Variants in TMOD2 observed in about 807,000 individuals in gnomAD.
TMOD2 encodes tropomodulin 2, also known as tropomodulin-2.
TMOD2 carries 22 observed loss-of-function variants against 39.9 expected under a neutral mutation model. That is an observed-to-expected ratio of 0.55 (90% CI 0.39 to 0.79). The LOEUF is 0.79. Among genes scored for constraint, TMOD2 ranks in the 30% least tolerant of loss-of-function variants. The probability of loss-of-function intolerance (pLI) is 0.00; values close to 1 mark genes in which losing one functional copy is unlikely to be tolerated. For synonymous variants in TMOD2, 123 were observed against 146.1 expected (o/e 0.84, Z 1.14); for missense variants, 386 against 413.3 (o/e 0.93, Z 0.57).
At chr15:51,767,970 A>G (rs17610862) in intron 2 of TMOD2, among the ~76,000 whole-genome samples, 62,495 of 152,058 alleles carry the variant, frequency 0.41, 13,002 homozygotes, top group Admixed American at 0.45. Flanking sequence ...ATGATCTACA[A>G]GGAAAGAGGT....
At chr15:51,766,829 C>A in intron 2 of TMOD2, 1 of 264,352 alleles carries the variant, frequency 3.8e-6, no homozygotes, top group Non-Finnish European at 7.2e-6. Context: ...AAGGACTAGT[C>A]TTGTTTAGGG....
intron 8 of TMOD2, among the ~76,000 whole-genome samples, chr15:51,801,227 T>TCACACACA (rs1226187762): frequency 3.2e-5 from 3 of 94,910 alleles, no homozygotes; most frequent in African/African-American, 1.0e-4. Flanking sequence ...CCTCTCTCTC[T>TCACACACA]CTCTCTCTCT....
chr15:51,785,411 C>CAAAA (rs57631565), intron 7 of TMOD2, among the ~76,000 whole-genome samples: 32 of 70,470 alleles, frequency 4.5e-4, no homozygotes, highest in African/African-American at 1.4e-3. Flanking sequence ...GACTCTGTCT[C>CAAAA]AAAAAAAAAA....
At chr15:51,764,070 T>C (rs1034302023) in intron 1 of TMOD2, among the ~76,000 whole-genome samples, 1 of 136,776 alleles carries the variant, frequency 7.3e-6, no homozygotes, top group Non-Finnish European at 1.6e-5. Context: ...TACTAGAATA[T>C]AGTCATTAAA....
rs146769056 is a variant in TMOD2 at position 51,807,588 on chromosome 15, C to A, written c.1022-832C>A. ...TAGGAAAAGCACATTGGGTCCACAA[C>A]CAAACAATATAGAGACCAAAGGAAA... On this transcript the variant is annotated intron_variant, in intron 9 of 9. Coordinates refer to ENST00000249700, the MANE Select transcript of TMOD2 (RefSeq NM_014548.4). 2.6e-4 allele frequency among the ~76,000 whole-genome samples: 40 copies of A among 152,100 alleles called. 1 individual carries two copies. The East Asian group carries it at 7.7e-3, about 29-fold the overall frequency.
intron 3 of TMOD2, among the ~76,000 whole-genome samples, chr15:51,771,485 G>A (rs1426409102): frequency 2.0e-5 from 3 of 152,166 alleles, no homozygotes; most frequent in Non-Finnish European, 4.4e-5. Context: ...TGTGTACTTC[G>A]TGTTTAGTAC....
intron 1 of TMOD2, among the ~76,000 whole-genome samples, chr15:51,758,546 A>G (rs1229274587): frequency 6.6e-6 from 1 of 152,220 alleles, no homozygotes; most frequent in Non-Finnish European, 1.5e-5. Context: ...TTTGTTACAC[A>G]ATATTTATTG....
Position 51,798,310 on chromosome 15 carries a change from C to T in TMOD2, c.846C>T (p.Asp282=), listed in dbSNP as rs779546026. The change falls in exon 8 of 10, where the codon GAC becomes GAT. Residue 282 remains aspartate, a synonymous_variant. Transcript: ENST00000249700. ...TGGTAGAGGCACTGAAAGAAAATGA[C>T]ACCTTGACAGAAATCAAGATTGACA... ...LALVEALKEN[D]TLTEIKIDNQ... 4 of 1,613,486 alleles carry T rather than the reference C, an allele frequency of 2.5e-6. No homozygotes were observed. The highest frequency in any genetic ancestry group is 1.1e-5 in the South Asian group (1 of 90,914).
intron 3 of TMOD2, among the ~76,000 whole-genome samples, chr15:51,769,354 A>G (rs984008008): frequency 1.3e-5 from 2 of 152,072 alleles, no homozygotes; most frequent in Non-Finnish European, 2.9e-5. Flanking sequence ...CTAACCTTAG[A>G]GGCTACCATT....
At chr15:51,784,603 T>G (rs2055955970) in intron 7 of TMOD2, 1 of 152,250 alleles carries the variant, frequency 6.6e-6, no homozygotes, top group Non-Finnish European at 1.5e-5. Context: ...CAGCAGTTAT[T>G]ACATTTCTAA....
At chr15:51,794,077 A>G (rs901892465) in intron 7 of TMOD2, among the ~76,000 whole-genome samples, 6 of 152,326 alleles carry the variant, frequency 3.9e-5, no homozygotes, top group Non-Finnish European at 4.4e-5. Flanking sequence ...ACCTAGGGCA[A>G]TTTTGCCCTC....
intron 9 of TMOD2, among the ~76,000 whole-genome samples, chr15:51,808,036 A>G (rs1413470138): frequency 7.9e-5 from 12 of 152,214 alleles, no homozygotes; most frequent in Admixed American, 7.9e-4. Flanking sequence ...CATAATCAGA[A>G]TTAAAAGATT....
intron 8 of TMOD2, among the ~76,000 whole-genome samples, chr15:51,803,190 T>TTTG (rs1555463181): frequency 2.7e-5 from 4 of 148,924 alleles, no homozygotes; most frequent in Admixed American, 1.3e-4. Context: ...TTTTTTTTTT[T>TTTG]TCTTTTTGAG....
intron 7 of TMOD2, 136 bp from the exon 8 acceptor site, chr15:51,798,061 T>A (rs995922080): frequency 4.3e-6 from 3 of 690,350 alleles, no homozygotes; most frequent in Non-Finnish European, 6.9e-6. Flanking sequence ...TACTTGGAGG[T>A]GAAAGTATGA....
chr15:51,763,158 C>G (rs2055793192), intron 1 of TMOD2, among the ~76,000 whole-genome samples: 2 of 152,126 alleles, frequency 1.3e-5, no homozygotes, highest in Admixed American at 1.3e-4. Context: ...AGGCTGGTCT[C>G]AAATTCCTGG....
At chr15:51,778,202 C>T (rs906642890) in intron 5 of TMOD2, among the ~76,000 whole-genome samples, 10 of 151,298 alleles carry the variant, frequency 6.6e-5, no homozygotes, top group African/African-American at 2.2e-4. Flanking sequence ...ATGGATGAAA[C>T]TGGAAATCAT....
chr15:51,798,443 TCAA>T, intron 8 of TMOD2, 103 bp downstream of exon 8: 1 of 1,353,924 alleles, frequency 7.4e-7, no homozygotes, highest in Non-Finnish European at 1.0e-6. Context: ...TGTGTGTGAC[TCAA>T]TTTGATGTAC....
chr15:51,773,653 A>T, intron 3 of TMOD2, 59 bp from the exon 4 acceptor site: 1 of 1,528,874 alleles, frequency 6.5e-7, no homozygotes, highest in Non-Finnish European at 8.8e-7. Context: ...TGCTCAGTCT[A>T]CTTACCCTAC....
intron 8 of TMOD2, among the ~76,000 whole-genome samples, chr15:51,801,308 C>G (rs1567247803): frequency 6.7e-6 from 1 of 150,260 alleles, no homozygotes; most frequent in African/African-American, 2.4e-5. Context: ...CTCTCTCTCT[C>G]TCTCTCTAAG....
Sources: gnomAD v4.1 joint callset for allele counts (sites outside exome capture counted in the v4.1 genomes callset) on GRCh38, gnomAD v4.1.1 for gene constraint, MANE v1.5 for transcripts, NCBI Gene and HGNC (gene_info 2026-07-23, HGNC 2026-07-21) for gene names.